The following COL8A1 variants were observed in gnomAD, a reference collection of about 807,000 sequenced individuals.
COL8A1 encodes collagen type VIII alpha 1 chain, also known as collagen alpha-1(VIII) chain.
A neutral mutation model predicts 42.7 loss-of-function variants in COL8A1; 21 were observed. The ratio of observed to expected loss-of-function variants is 0.49; its 90% confidence interval spans 0.35 to 0.71. The LOEUF (loss-of-function observed/expected upper bound fraction) is 0.71, where lower values mean the gene tolerates loss of function less well. Ranked by LOEUF, COL8A1 falls within the 30% of genes least tolerant of loss-of-function variation. The pLI is 0.01. For synonymous variants in COL8A1, 367 were observed against 369.1 expected (o/e 0.99, Z 0.06); for missense variants, 788 against 962.4 (o/e 0.82, Z 2.40).
chr3:99,788,509 C>T (rs559464541), intron 2 of COL8A1, among the ~76,000 whole-genome samples: 5 of 152,122 alleles, frequency 3.3e-5, no homozygotes, highest in Non-Finnish European at 7.4e-5. Context: ...TTCATTCATC[C>T]CCAAAAGTAG....
chr3:99,782,089 C>G (rs374023230), intron 2 of COL8A1, among the ~76,000 whole-genome samples: 1 of 152,174 alleles, frequency 6.6e-6, no homozygotes, highest in East Asian at 1.9e-4. Flanking sequence ...AAAGGTTTCT[C>G]AGTAAGCTTC....
intron 1 of COL8A1, among the ~76,000 whole-genome samples, chr3:99,646,676 C>T (rs1937649460): frequency 6.6e-6 from 1 of 152,076 alleles, no homozygotes; most frequent in South Asian, 2.1e-4. Context: ...GCCACATAAC[C>T]TTCCAAGATA....
intron 1 of COL8A1, among the ~76,000 whole-genome samples, chr3:99,725,298 T>C (rs1940274797): frequency 6.6e-6 from 1 of 152,106 alleles, no homozygotes; most frequent in Non-Finnish European, 1.5e-5. Flanking sequence ...TCTCTTAGCT[T>C]CTTTTAAACG....
intron 1 of COL8A1, among the ~76,000 whole-genome samples, chr3:99,672,539 A>T (rs1407288382): frequency 6.6e-6 from 1 of 151,650 alleles, no homozygotes; most frequent in Non-Finnish European, 1.5e-5. Context: ...TCTAGAATTT[A>T]TATTTGGTTC....
intron 1 of COL8A1, among the ~76,000 whole-genome samples, chr3:99,724,226 A>C (rs1282002176): frequency 1.3e-5 from 2 of 152,104 alleles, no homozygotes; most frequent in Admixed American, 6.6e-5. Flanking sequence ...TGGTCCTCCT[A>C]TATGTCACAT....
In COL8A1 at chr3:99,744,220, G is replaced by A. The variant is rs12330310; in HGVS notation, c.-128-677G>A. Among the ~76,000 whole-genome samples the A allele has an allele frequency of 4.7e-3, 719 of 152,248 alleles. 5 individuals are homozygous for A. Among genetic ancestry groups the A allele is most frequent in the African/African-American group, 0.016 (677 of 41,542 alleles). On this transcript the variant is annotated intron_variant, in intron 1 of 3. Coordinates refer to ENST00000652472, the MANE Select transcript of COL8A1 (RefSeq NM_020351.4). ...GCTGGGATTACAGGCGTCAGCCACCGTGCCTGGCCGATATTTCTTAAACAA... is the reference window on the plus strand; with the variant it reads ...GCTGGGATTACAGGCGTCAGCCACCATGCCTGGCCGATATTTCTTAAACAA...
chr3:99,655,212 T>C (rs1937979490), intron 1 of COL8A1, among the ~76,000 whole-genome samples: 2 of 152,138 alleles, frequency 1.3e-5, no homozygotes, highest in South Asian at 4.1e-4. Context: ...TACCCATCTC[T>C]ACCCAGCAGA....
In COL8A1 at chr3:99,795,983, G is replaced by C. The variant is rs757946565; in HGVS notation, c.2082G>C (p.Lys694Asn). 6.2e-7 allele frequency: 1 copy of C among 1,614,008 alleles called. No homozygotes were observed. The highest frequency in any genetic ancestry group is 1.1e-5 in the South Asian group (1 of 91,082). ...TGTACACGTACGACGAGTACAAAAA[G>C]GGCTTCCTGGACCAGGCATCTGGGA... is the stretch of plus-strand genomic sequence containing the variant. ...PVMYTYDEYK[K>N]GFLDQASGSA... Residue 694 changes from lysine (K) to asparagine (N), a missense_variant, in exon 4 of 4, where the codon AAG becomes AAC. Lys to Asn is a moderately conservative substitution (Grantham distance 94). Transcript: ENST00000652472.
In COL8A1 at chr3:99,797,759, T is replaced by C. The variant is rs544482983; in HGVS notation, c.*1623T>C. 2.0e-5 allele frequency: 3 copies of C among 152,352 alleles called. No individual in the cohort carries two copies. In the South Asian group the frequency reaches 6.2e-4, roughly 32 times the overall value. 9.4% of individuals were successfully genotyped at this position (152,352 alleles called of 1,614,324 possible). On this transcript the variant is annotated 3_prime_UTR_variant, in exon 4 of 4. Coordinates refer to ENST00000652472, the MANE Select transcript of COL8A1 (RefSeq NM_020351.4). ...TTAGAAGCGGACTGTGGAAGGGCTATGTAGAATGTCAAAGGGCAACAAGAG... is the reference window on the plus strand; with the variant it reads ...TTAGAAGCGGACTGTGGAAGGGCTACGTAGAATGTCAAAGGGCAACAAGAG...
intron 1 of COL8A1, among the ~76,000 whole-genome samples, chr3:99,713,813 T>C (rs1190966795): frequency 7.2e-5 from 11 of 152,150 alleles, no homozygotes; most frequent in Non-Finnish European, 1.6e-4. Flanking sequence ...AAAACAAATT[T>C]TAACAGTGTT....
At chr3:99,657,983 C>T (rs983854245) in intron 1 of COL8A1, among the ~76,000 whole-genome samples, 6 of 151,974 alleles carry the variant, frequency 3.9e-5, no homozygotes, top group South Asian at 2.1e-4. Context: ...AAAAATTAGC[C>T]GGGTGTGATG....
chr3:99,669,151 G>A (rs9876861), intron 1 of COL8A1, among the ~76,000 whole-genome samples: 23,594 of 113,624 alleles, frequency 0.21, 2,456 homozygotes, highest in Non-Finnish European at 0.23. Flanking sequence ...ATATATAGAG[G>A]GAGAGAGAGA....
chr3:99,786,201 C>T (rs1941892420), intron 2 of COL8A1, among the ~76,000 whole-genome samples: 1 of 152,154 alleles, frequency 6.6e-6, no homozygotes. Context: ...AACATCGGAG[C>T]TCTTCCACTC....
chr3:99,737,368 G>A (rs1940758078), intron 1 of COL8A1, among the ~76,000 whole-genome samples: 1 of 151,994 alleles, frequency 6.6e-6, no homozygotes, highest in South Asian at 2.1e-4. Flanking sequence ...GCTGGTACCG[G>A]TTGTTCCATT....
chr3:99,789,635 T>C (rs1328179301), intron 2 of COL8A1, among the ~76,000 whole-genome samples: 5 of 152,216 alleles, frequency 3.3e-5, no homozygotes, highest in African/African-American at 1.2e-4. Flanking sequence ...AGAGGTCTTT[T>C]CAAGCTGGTT....
At chr3:99,648,510 G>A (rs1333396298) in intron 1 of COL8A1, among the ~76,000 whole-genome samples, 1 of 151,404 alleles carries the variant, frequency 6.6e-6, no homozygotes, top group African/African-American at 2.4e-5. Flanking sequence ...AGCCAAAAAA[G>A]TAAGGACTGT....
chr3:99,660,125 A>G (rs1938157179), intron 1 of COL8A1, among the ~76,000 whole-genome samples: 1 of 152,212 alleles, frequency 6.6e-6, no homozygotes, highest in Non-Finnish European at 1.5e-5. Flanking sequence ...ACCCGGAATC[A>G]CGCAGGACAA....
Position 99,795,807 on chromosome 3 carries a change from A to T in COL8A1, c.1906A>T (p.Asn636Tyr). 1 of 1,614,158 alleles carries T rather than the reference A, an allele frequency of 6.2e-7. No individual in the cohort carries two copies. Among genetic ancestry groups the T allele is most frequent in the Non-Finnish European group, 8.5e-7 (1 of 1,180,008 alleles). Residue 636 changes from asparagine (N) to tyrosine (Y), a missense_variant, in exon 4 of 4, where the codon AAC becomes TAC. Transcript: ENST00000652472. Reference protein sequence around the residue: ...FPPVGAPVKFNKLLYNGRQNY... With the variant: ...FPPVGAPVKFYKLLYNGRQNY... Reference sequence around the variant, plus strand: ...ACCGGTGGGGGCCCCAGTGAAGTTTAACAAACTGCTGTATAACGGCAGACA... The same window carrying T: ...ACCGGTGGGGGCCCCAGTGAAGTTTTACAAACTGCTGTATAACGGCAGACA...
chr3:99,684,765 CA>C (rs1938997437), intron 1 of COL8A1, among the ~76,000 whole-genome samples: 1 of 152,078 alleles, frequency 6.6e-6, no homozygotes, highest in South Asian at 2.1e-4. Context: ...TACCTAATTG[CA>C]AAAAGTTGCC....
Sources: allele counts gnomAD v4.1 joint callset (sites outside exome capture counted in the v4.1 genomes callset), GRCh38; gene constraint gnomAD v4.1.1; transcripts MANE v1.5; gene names NCBI Gene and HGNC (gene_info 2026-07-23, HGNC 2026-07-21).